Variants in PLEKHG1 observed in about 807,000 individuals in gnomAD.
The protein encoded by PLEKHG1 is pleckstrin homology and RhoGEF domain containing G1.
PLEKHG1 carries 44 observed loss-of-function variants against 100.8 expected under a neutral mutation model. The ratio of observed to expected loss-of-function variants is 0.44; its 90% CI spans 0.34 to 0.56. The LOEUF is 0.56. PLEKHG1 is among the 20% of genes least tolerant of loss of function. PLEKHG1 has a pLI of 0.01. For missense variants in PLEKHG1, 1,545 were observed against 1,720.9 expected (o/e 0.90, Z 1.81); for synonymous variants, 640 against 662.5 (o/e 0.97, Z 0.52).
intron 2 of PLEKHG1, among the ~76,000 whole-genome samples, chr6:150,754,880 G>C (rs1343107235): frequency 1.3e-5 from 2 of 152,120 alleles, no homozygotes; most frequent in East Asian, 3.9e-4. Flanking sequence ...GTGCTGGTCG[G>C]GCTAGTCTCA....
chr6:150,830,528 A>T lies in PLEKHG1; in HGVS notation c.1471-54A>T, dbSNP rs953708028. 3.9e-6 allele frequency: 5 copies of T among 1,294,004 alleles called. No homozygotes were observed. The African/African-American group carries it at 5.9e-5, about 15-fold the overall frequency. The allele number at this position is 1,294,004 out of a possible 1,614,324, so 80.2% of individuals were successfully genotyped here. On this transcript the variant is annotated intron_variant, in intron 14 of 15. Coordinates refer to ENST00000358517, the Ensembl canonical transcript of PLEKHG1. ...TAAACACAGGAGAAATTCCTGAGTT[A>T]TGTGTCTTCTCCATGGTGCTGTGAT...
intron 2 of PLEKHG1, among the ~76,000 whole-genome samples, chr6:150,766,657 CTG>C: frequency 6.6e-6 from 1 of 152,350 alleles, no homozygotes; most frequent in East Asian, 1.9e-4. Context: ...GCCATGGACT[CTG>C]AGGTTTTTGA....
intron 3 of PLEKHG1, among the ~76,000 whole-genome samples, chr6:150,705,449 C>T (rs1391536912): frequency 1.3e-5 from 2 of 152,220 alleles, no homozygotes; most frequent in Non-Finnish European, 2.9e-5. Flanking sequence ...TGGAAAGCGG[C>T]GGGGACCGCC....
rs60261407 is a variant in PLEKHG1, at chr6:150,617,453, C to T, written c.-204+17436C>T. Among the ~76,000 whole-genome samples the T allele has an allele frequency of 1.6e-4, 25 of 152,242 alleles. No individual in the cohort carries two copies. The East Asian group carries it at 4.0e-3, about 25-fold the overall frequency. On this transcript the variant is annotated intron_variant, in intron 1 of 3. Transcript: ENST00000367326. Reference sequence around the variant, plus strand: ...TGAGAAGTAATTAACCAGTTAATTACGAGTGTGGCAGAATCCACTTGTACT... The same window carrying T: ...TGAGAAGTAATTAACCAGTTAATTATGAGTGTGGCAGAATCCACTTGTACT...
At chr6:150,624,446 A>G (rs1057019764) in intron 1 of PLEKHG1, among the ~76,000 whole-genome samples, 15 of 152,320 alleles carry the variant, frequency 9.8e-5, no homozygotes, top group African/African-American at 3.6e-4. Flanking sequence ...CTTCCGTCCT[A>G]TGGAGCACCT....
intron 2 of PLEKHG1, among the ~76,000 whole-genome samples, chr6:150,753,743 G>A (rs1465021343): frequency 2.0e-5 from 3 of 152,202 alleles, no homozygotes; most frequent in Non-Finnish European, 4.4e-5. Context: ...AAAACGAAAT[G>A]CATAGTTTAG....
chr6:150,706,247 C>T (rs766484326), intron 3 of PLEKHG1, among the ~76,000 whole-genome samples: 4 of 152,180 alleles, frequency 2.6e-5, no homozygotes, highest in Admixed American at 2.6e-4. Flanking sequence ...CCCTGAGTCT[C>T]GCCAGCGAGC....
chr6:150,669,382 G>A (rs905271136), intron 3 of PLEKHG1, among the ~76,000 whole-genome samples: 16 of 152,170 alleles, frequency 1.1e-4, no homozygotes, highest in African/African-American at 3.9e-4. Flanking sequence ...CTAGTTTGAT[G>A]TCTAACTCCC....
At chr6:150,645,737 C>A (rs2128570995) in intron 2 of PLEKHG1, among the ~76,000 whole-genome samples, 1 of 152,226 alleles carries the variant, frequency 6.6e-6, no homozygotes, top group South Asian at 2.1e-4. Context: ...TGTGTAGCAC[C>A]AAGTGTTGGC....
At chr6:150,812,352 G>A (rs1787579149) in intron 10 of PLEKHG1, among the ~76,000 whole-genome samples, 1 of 152,154 alleles carries the variant, frequency 6.6e-6, no homozygotes, top group Non-Finnish European at 1.5e-5. Flanking sequence ...CAAGCGGGTG[G>A]GGGGATTTGG....
In PLEKHG1 at chr6:150,729,281, C is replaced by T. The variant is rs555245087; in HGVS notation, c.-98-4303C>T. Among the ~76,000 whole-genome samples the T allele has an allele frequency of 9.9e-5, 15 of 152,252 alleles. No homozygotes were observed. The South Asian group carries it at 2.7e-3, about 27-fold the overall frequency. On this transcript the variant is annotated intron_variant, in intron 1 of 15. Transcript: ENST00000358517. Reference sequence around the variant, plus strand: ...TTTACTAGGTTGCCCAGGCTAGTCTCGAACTCCTGAGCTCAAGTGATCCGC... The same window carrying T: ...TTTACTAGGTTGCCCAGGCTAGTCTTGAACTCCTGAGCTCAAGTGATCCGC...
chr6:150,715,857 C>T (rs1364797442), intron 3 of PLEKHG1, among the ~76,000 whole-genome samples: 2 of 148,778 alleles, frequency 1.3e-5, no homozygotes, highest in African/African-American at 4.9e-5. Context: ...GCCTGTAATC[C>T]CAGCACTTTG....
intron 7 of PLEKHG1, among the ~76,000 whole-genome samples, chr6:150,808,118 C>T (rs1787252722): frequency 6.6e-6 from 1 of 152,114 alleles, no homozygotes; most frequent in African/African-American, 2.4e-5. Flanking sequence ...GTGACGGAGG[C>T]CCATTTACCC....
rs1194431364 is a variant in PLEKHG1, at chr6:150,639,167, C to T, written c.-158+1042C>T. ...GCTGAGAACCGCTTGGCCCCAATCT[C>T]TGAGTACAGTGTTTTAAAATTGAAC... On this transcript the variant is annotated intron_variant, in intron 2 of 3. Transcript: ENST00000367326. Among the ~76,000 whole-genome samples, 3 of 152,280 alleles carry T rather than the reference C, an allele frequency of 2.0e-5. No individual in the cohort carries two copies. The East Asian group carries it at 5.8e-4, about 29-fold the overall frequency.
intron 1 of PLEKHG1, among the ~76,000 whole-genome samples, chr6:150,615,289 T>C (rs1777023023): frequency 6.6e-6 from 1 of 152,088 alleles, no homozygotes. Flanking sequence ...CTGGATAACC[T>C]ATAACCTCAG....
At position 150,831,085 on chromosome 6, in the gene PLEKHG1, C is replaced by T. The variant is rs781496394; in HGVS notation, c.1974C>T (p.Asp658=). Residue 658 remains aspartate, a synonymous_variant, in exon 15 of 16, where the codon GAC becomes GAT. Coordinates refer to ENST00000358517, the Ensembl canonical transcript of PLEKHG1. This position sits in a 1 kb window ranked among gnomAD's most constrained non-coding sequence, Gnocchi z 4.1. ...TAGAGTTGACTATTGATGACATAGACCATGTCTATGATAACATCAGTTATG... is the reference window on the plus strand; with the variant it reads ...TAGAGTTGACTATTGATGACATAGATCATGTCTATGATAACATCAGTTATG... 6 of 1,613,752 alleles carry T rather than the reference C, an allele frequency of 3.7e-6. No homozygotes were observed. Among genetic ancestry groups the T allele is most frequent in the South Asian group, 3.3e-5 (3 of 91,076 alleles).
At chr6:150,780,395 T>C (rs1235219887) in intron 3 of PLEKHG1, among the ~76,000 whole-genome samples, 2 of 152,178 alleles carry the variant, frequency 1.3e-5, no homozygotes, top group Non-Finnish European at 2.9e-5. Flanking sequence ...ATTACAGGCG[T>C]GAGCCACTGC....
At chr6:150,768,676 C>T in exon 3 of PLEKHG1, 1 of 1,613,002 alleles carries the variant, frequency 6.2e-7, no homozygotes, top group African/African-American at 1.3e-5. Flanking sequence ...CAAAACTTCC[C>T]CTGGGGACCG....
At chr6:150,675,578 CTTATTT>C (rs1210506346) in intron 3 of PLEKHG1, among the ~76,000 whole-genome samples, 2 of 152,194 alleles carry the variant, frequency 1.3e-5, no homozygotes, top group African/African-American at 4.8e-5. Flanking sequence ...AATGATAAAA[CTTATTT>C]TTGTTTTTGT....
Sources: gnomAD v4.1 joint callset for allele counts (sites outside exome capture counted in the v4.1 genomes callset) on GRCh38, gnomAD v4.1.1 for gene constraint, Gnocchi (gnomAD v3.1) non-coding constraint, MANE v1.5 for transcripts, NCBI Gene and HGNC (gene_info 2026-07-23, HGNC 2026-07-21) for gene names.